The following DDX39B variants were observed in gnomAD, a reference collection of about 807,000 sequenced individuals.
DDX39B encodes DExD-box helicase 39B, also known as spliceosome RNA helicase DDX39B.
DDX39B carries 6 observed loss-of-function variants against 46.4 expected under a neutral mutation model. That is an observed-to-expected ratio of 0.13 (90% CI 0.07 to 0.26). The LOEUF is 0.26. Among genes scored for constraint, DDX39B ranks in the 10% least tolerant of loss-of-function variants. DDX39B has a pLI of 1.00. For missense variants in DDX39B, 185 were observed against 553.4 expected, an observed-to-expected ratio of 0.33 and a Z score of 6.68; for synonymous variants, 174 against 199.4, an observed-to-expected ratio of 0.87 and a Z score of 1.07.
At chr6:31,541,806 G>A (rs1260048446) in intron 1 of DDX39B, 144 bp downstream of exon 1, 7 of 667,008 alleles carry the variant, frequency 1.0e-5, no homozygotes, top group African/African-American at 9.0e-5. Flanking sequence ...GCTCTCGAAA[G>A]GGATGCAAGC....
intron 4 of DDX39B, among the ~76,000 whole-genome samples, chr6:31,537,515 C>T (rs1486151029): frequency 6.6e-6 from 1 of 152,134 alleles, no homozygotes; most frequent in African/African-American, 2.4e-5. Context: ...ATTAAGGTTT[C>T]CTAAATAAAC....
intron 1 of DDX39B, chr6:31,541,735 G>A: frequency 1.6e-6 from 1 of 613,116 alleles, no homozygotes; most frequent in Non-Finnish European, 3.1e-6. Flanking sequence ...CAATGGCGCC[G>A]AGGACACCAT....
In DDX39B at chr6:31,531,447, G is replaced by C. The variant is rs372972594; in HGVS notation, c.868-42C>G. ...TGGGGGGTCGCAAATTGGGGGAATAGGGGTCCATGGTGTGTGAGAGACATT... is the reference window on the plus strand; with the variant it reads ...TGGGGGGTCGCAAATTGGGGGAATACGGGTCCATGGTGTGTGAGAGACATT... On this transcript the variant is annotated intron_variant, in intron 7 of 10. Transcript: ENST00000396172. The surrounding 1 kb of genome is among the most constrained non-coding windows in gnomAD (Gnocchi z 5.8). The C allele has an allele frequency of 6.4e-6, 10 of 1,572,966 alleles. No individual in the cohort carries two copies. The African/African-American group carries it at 1.1e-4, about 17-fold the overall frequency.
Position 31,535,228 on chromosome 6 carries a change from T to C in DDX39B, c.735+139A>G. 2.5e-6 allele frequency: 2 copies of C among 794,268 alleles called. No individual in the cohort carries two copies. 49.2% of individuals were successfully genotyped at this position (794,268 alleles called of 1,614,324 possible). ...AGCTGTCTCTGCTTCTGTATGTCTCTTCAAGGAGTCATTACTCCCAGTTGG... is the reference window on the plus strand; with the variant it reads ...AGCTGTCTCTGCTTCTGTATGTCTCCTCAAGGAGTCATTACTCCCAGTTGG... On this transcript the variant is annotated intron_variant, in intron 6 of 10. Coordinates refer to ENST00000396172, the MANE Select transcript of DDX39B (RefSeq NM_004640.7). This position sits in a 1 kb window ranked among gnomAD's most constrained non-coding sequence, Gnocchi z 4.6.
intron 1 of DDX39B, 40 bp downstream of exon 1, chr6:31,541,910 G>GCTTC (rs1301933175): frequency 3.4e-5 from 22 of 638,304 alleles, no homozygotes; most frequent in Non-Finnish European, 6.3e-5. Context: ...GTGCGGAGAA[G>GCTTC]CGCAGATGGA....
Position 31,540,395 on chromosome 6 carries a change from G to C in DDX39B, c.138C>G (p.Gly46=), listed in dbSNP as rs1398147009. 1.2e-6 allele frequency: 2 copies of C among 1,614,246 alleles called. No homozygotes were observed. Among genetic ancestry groups the C allele is most frequent in the Admixed American group, 1.7e-5 (1 of 60,028 alleles). Residue 46 remains glycine, a synonymous_variant, in exon 2 of 11, where the codon GGC becomes GGG. Transcript: ENST00000396172. ...KGSYVSIHSS[G]FRDFLLKPEL... ...CTGGCTTGAGCAGGAAGTCACGAAAGCCAGAGCTGTGGATGGAGACATAGG... is the reference window on the plus strand; with the variant it reads ...CTGGCTTGAGCAGGAAGTCACGAAACCCAGAGCTGTGGATGGAGACATAGG...
At chr6:31,541,903 C>A in intron 1 of DDX39B, 47 bp downstream of exon 1, 1 of 635,722 alleles carries the variant, frequency 1.6e-6, no homozygotes, top group Admixed American at 2.4e-5. Context: ...GGGATGGGTG[C>A]GGAGAAGCGC....
intron 7 of DDX39B, chr6:31,532,352 C>G (rs958269849): frequency 2.5e-5 from 4 of 162,606 alleles, no homozygotes; most frequent in African/African-American, 9.6e-5. Context: ...TATCCTCTCA[C>G]CTCAGCCACC....
Position 31,535,277 on chromosome 6 carries a change from T to A in DDX39B, c.735+90A>T. 2 of 1,303,302 alleles carry A rather than the reference T, an allele frequency of 1.5e-6. No individual in the cohort carries two copies. Among genetic ancestry groups the A allele is most frequent in the Non-Finnish European group, 2.2e-6 (2 of 899,230 alleles). The allele number at this position is 1,303,302 out of a possible 1,614,324, so 80.7% of individuals were successfully genotyped here. On this transcript the variant is annotated intron_variant, in intron 6 of 10. Coordinates refer to ENST00000396172, the MANE Select transcript of DDX39B (RefSeq NM_004640.7). This position sits in a 1 kb window ranked among gnomAD's most constrained non-coding sequence, Gnocchi z 4.6. ...GGGCACAAGCCGCCTTCTTGGCACT[T>A]GAATGACAAGGGAGTCTGAGGAAGA... is the stretch of plus-strand genomic sequence containing the variant.
At chr6:31,541,731 C>T (rs1768492805) in intron 1 of DDX39B, 1 of 602,934 alleles carries the variant, frequency 1.7e-6, no homozygotes, top group Admixed American at 2.2e-5. Context: ...AACACAATGG[C>T]GCCGAGGACA....
chr6:31,539,376 G>A, intron 2 of DDX39B, 102 bp from the exon 3 acceptor site: 1 of 1,515,238 alleles, frequency 6.6e-7, no homozygotes, highest in Non-Finnish European at 8.9e-7. Context: ...AATTCTCAAA[G>A]TCTAGTATTT....
At chr6:31,532,550 A>G (rs1037886513) in intron 7 of DDX39B, 2 of 469,688 alleles carry the variant, frequency 4.3e-6, no homozygotes, top group Non-Finnish European at 7.5e-6. Context: ...AAGGATCTTA[A>G]TTTTTGAAGT....
Position 31,535,538 on chromosome 6 carries a change from A to T in DDX39B, c.617-53T>A. 3 of 1,463,374 alleles carry T rather than the reference A, an allele frequency of 2.1e-6. No homozygotes were observed. Among genetic ancestry groups the T allele is most frequent in the Non-Finnish European group, 2.9e-6 (3 of 1,048,630 alleles). The allele number at this position is 1,463,374 out of a possible 1,614,324, so 90.6% of individuals were successfully genotyped here. On this transcript the variant is annotated intron_variant, in intron 5 of 10. Transcript: ENST00000396172. The surrounding 1 kb of genome is among the most constrained non-coding windows in gnomAD (Gnocchi z 4.6). ...GAGAAAATAAGCAGGTATGATAAAC[A>T]AAGATTAGAGGTAGACTTCCCAGTG...
chr6:31,535,546 G>C lies in DDX39B; in HGVS notation c.617-61C>G. ...AAGCAGGTATGATAAACAAAGATTA[G>C]AGGTAGACTTCCCAGTGAGGTGAAG... On this transcript the variant is annotated intron_variant, in intron 5 of 10. Transcript: ENST00000396172. This position sits in a 1 kb window ranked among gnomAD's most constrained non-coding sequence, Gnocchi z 4.6. 1 of 1,341,602 alleles carries C rather than the reference G, an allele frequency of 7.5e-7. No homozygotes were observed. The allele number at this position is 1,341,602 out of a possible 1,614,324, so 83.1% of individuals were successfully genotyped here.
chr6:31,540,667 G>C lies in DDX39B; in HGVS notation c.-132-3C>G. The C allele has an allele frequency of 1.4e-6, 1 of 726,574 alleles. No individual in the cohort carries two copies. 45.0% of individuals were successfully genotyped at this position (726,574 alleles called of 1,614,324 possible). ...AGATACTATTTCTAACAGAAGAGCT[G>C]GAGGGGGGAAAAAAAAAAGCAAGAC... On this transcript the variant is annotated splice_region_variant and splice_polypyrimidine_tract_variant and intron_variant, in intron 1 of 10. Coordinates refer to ENST00000396172, the MANE Select transcript of DDX39B (RefSeq NM_004640.7).
chr6:31,530,709 T>G lies in DDX39B; in HGVS notation c.1270+70A>C. On this transcript the variant is annotated intron_variant, in intron 10 of 10. Coordinates refer to ENST00000396172, the MANE Select transcript of DDX39B (RefSeq NM_004640.7). The surrounding 1 kb of genome is among the most constrained non-coding windows in gnomAD (Gnocchi z 4.5). Reference sequence around the variant, plus strand: ...ATGCATCAGATGCCCATGACCTATGTGATGGGATTTCGGACAAACACACTA... The same window carrying G: ...ATGCATCAGATGCCCATGACCTATGGGATGGGATTTCGGACAAACACACTA... 2 of 1,575,070 alleles carry G rather than the reference T, an allele frequency of 1.3e-6. No homozygotes were observed. The highest frequency in any genetic ancestry group is 1.7e-6 in the Non-Finnish European group (2 of 1,158,664).
chr6:31,541,056 C>G (rs746730691), intron 1 of DDX39B: 3 of 524,190 alleles, frequency 5.7e-6, no homozygotes, highest in Non-Finnish European at 1.2e-5. Context: ...AGGAAGACTC[C>G]GCTTTCCCTA....
At chr6:31,539,030 A>T (rs1220642009) in intron 3 of DDX39B, 117 bp downstream of exon 3, 3 of 1,577,320 alleles carry the variant, frequency 1.9e-6, no homozygotes, top group Non-Finnish European at 2.6e-6. Flanking sequence ...TCAGGTTGTC[A>T]AGGGTAACAG....
Position 31,535,627 on chromosome 6 carries a change from G to A in DDX39B, c.617-142C>T, listed in dbSNP as rs1562414305. 3.0e-6 allele frequency: 2 copies of A among 670,370 alleles called. No homozygotes were observed. The highest frequency in any genetic ancestry group is 1.8e-5 in the African/African-American group (1 of 55,414). 41.5% of individuals were successfully genotyped at this position (670,370 alleles called of 1,614,324 possible). ...AGAGCAATGGACTTGGAATCAAGAA[G>A]TGGGATCAGATTCCAGCTGTTTGTT... On this transcript the variant is annotated intron_variant, in intron 5 of 10. Transcript: ENST00000396172. This position sits in a 1 kb window ranked among gnomAD's most constrained non-coding sequence, Gnocchi z 4.6.
Sources: gnomAD v4.1 joint callset for allele counts (sites outside exome capture counted in the v4.1 genomes callset) on GRCh38, gnomAD v4.1.1 for gene constraint, Gnocchi (gnomAD v3.1) non-coding constraint, MANE v1.5 for transcripts, NCBI Gene and HGNC (gene_info 2026-07-23, HGNC 2026-07-21) for gene names.